SV2C: variants seen among roughly 807,000 people sequenced by gnomAD.
SV2C encodes the protein solute carrier family 22 member B3.
In SV2C, 49 loss-of-function variants were observed where a neutral mutation model predicts 79.7. The observed-to-expected ratio is 0.61, with a 90% confidence interval of 0.49 to 0.78. The LOEUF is 0.78. Among genes scored for constraint, SV2C ranks in the 30% least tolerant of loss-of-function variants. The pLI, the probability that SV2C is intolerant of heterozygous loss-of-function variation, is 0.00. For missense variants in SV2C, 833 were observed against 912.9 expected, an observed-to-expected ratio of 0.91 and a Z score of 1.13; for synonymous variants, 334 against 333.2, an observed-to-expected ratio of 1.00 and a Z score of -0.03.
intron 12 of SV2C, among the ~76,000 whole-genome samples, chr5:76,311,757 A>T (rs1748449553): frequency 6.6e-6 from 1 of 152,170 alleles, no homozygotes; most frequent in Admixed American, 6.5e-5. Context: ...ATCTGAAAGG[A>T]GCCCCAACCA....
At chr5:75,972,970 C>T in the SV2C span, among the ~76,000 whole-genome samples, 3 of 151,976 alleles carry the variant, frequency 2.0e-5, no homozygotes, top group Non-Finnish European at 2.9e-5. Context: ...AATATGGCAC[C>T]TATATACCAT....
the SV2C span, among the ~76,000 whole-genome samples, chr5:75,881,434 A>G: frequency 6.6e-6 from 1 of 152,188 alleles, no homozygotes; most frequent in Non-Finnish European, 1.5e-5. Context: ...TCTTTAAAGT[A>G]CATTATATGT....
At chr5:75,955,126 A>G in the SV2C span, among the ~76,000 whole-genome samples, 36,464 of 148,196 alleles carry the variant, frequency 0.25, 5,360 homozygotes, top group Non-Finnish European at 0.36. Flanking sequence ...GAGGCATCAC[A>G]CTACCTGACT....
At chr5:76,145,974 A>G (rs1312415147) in intron 2 of SV2C, among the ~76,000 whole-genome samples, 1 of 152,204 alleles carries the variant, frequency 6.6e-6, no homozygotes, top group Non-Finnish European at 1.5e-5. Context: ...TGTAGCAAAT[A>G]TATTTCTACC....
At position 76,293,223 on chromosome 5, in the gene SV2C, G is replaced by A. The variant is rs150045167; in HGVS notation, c.1337+1367G>A. ...AAAATCCATTAATCTCTGAAGGAAG[G>A]GAAGGCTAAATATTAACCTATATTA... is the stretch of plus-strand genomic sequence containing the variant. On this transcript the variant is annotated intron_variant, in intron 8 of 12. Transcript: ENST00000502798. Among the ~76,000 whole-genome samples, 28 of 152,218 alleles carry A rather than the reference G, an allele frequency of 1.8e-4. 1 individual carries two copies. Among genetic ancestry groups the A allele is most frequent in the African/African-American group, 6.0e-4 (25 of 41,524 alleles).
chr5:76,121,007 C>T (rs1480092472), intron 1 of SV2C, among the ~76,000 whole-genome samples: 1 of 151,070 alleles, frequency 6.6e-6, no homozygotes, highest in East Asian at 1.9e-4. Context: ...GTTCCTATTT[C>T]TCCACATCCT....
At chr5:76,061,314 A>T in the SV2C span, among the ~76,000 whole-genome samples, 1 of 150,908 alleles carries the variant, frequency 6.6e-6, no homozygotes, top group Admixed American at 6.6e-5. Context: ...AAAAATATGC[A>T]ATAATGCCAA....
intron 4 of SV2C, among the ~76,000 whole-genome samples, chr5:76,280,312 G>A (rs894226918): frequency 1.4e-4 from 21 of 151,852 alleles, no homozygotes; most frequent in African/African-American, 4.1e-4. Context: ...ATGAAGGAGA[G>A]AAGGACCTCA....
rs544100179 is a variant in SV2C, at chr5:76,162,116, A to G, written c.580+29786A>G. Among the ~76,000 whole-genome samples, 8 of 152,306 alleles carry G rather than the reference A, an allele frequency of 5.3e-5. No individual in the cohort carries two copies. The East Asian group carries it at 1.4e-3, about 26-fold the overall frequency. ...TATTTTCAGAGTAATAAGCTCTGTG[A>G]GCCAGTAGGTTAATAAGATTATAGC... is the stretch of plus-strand genomic sequence containing the variant. On this transcript the variant is annotated intron_variant, in intron 2 of 12. Coordinates refer to ENST00000502798, the MANE Select transcript of SV2C (RefSeq NM_014979.4).
At chr5:75,913,134 A>G in the SV2C span, among the ~76,000 whole-genome samples, 1,009 of 152,266 alleles carry the variant, frequency 6.6e-3, 3 homozygotes, top group African/African-American at 9.7e-3. Context: ...CAGCCTAGGA[A>G]TCTAGTCCAA....
At chr5:76,115,705 A>G (rs1251637516) in intron 1 of SV2C, among the ~76,000 whole-genome samples, 1 of 152,222 alleles carries the variant, frequency 6.6e-6, no homozygotes, top group East Asian at 1.9e-4. Context: ...GGTAAATAGG[A>G]TTTTAAAAGA....
intron 1 of SV2C, chr5:76,083,912 G>A (rs949408755): frequency 1.3e-5 from 2 of 152,312 alleles, no homozygotes. Context: ...AAATCTAGCA[G>A]CCTAGAGCCC....
chr5:76,099,016 G>T (rs1005920168), intron 1 of SV2C, among the ~76,000 whole-genome samples: 4 of 152,052 alleles, frequency 2.6e-5, no homozygotes, highest in Non-Finnish European at 5.9e-5. Flanking sequence ...CAGCTTTGGG[G>T]CATTATGTAC....
At chr5:76,230,089 A>T (rs538852139) in intron 4 of SV2C, among the ~76,000 whole-genome samples, 2 of 152,350 alleles carry the variant, frequency 1.3e-5, no homozygotes, top group South Asian at 4.1e-4. Context: ...AGTACTTTGC[A>T]TCAATTAGAA....
intron 2 of SV2C, among the ~76,000 whole-genome samples, chr5:76,172,901 A>C (rs1394900129): frequency 8.8e-6 from 1 of 113,360 alleles, no homozygotes; most frequent in Non-Finnish European, 1.8e-5. Context: ...CCAGGGACAC[A>C]AACACTGCGG....
the SV2C span, among the ~76,000 whole-genome samples, chr5:75,965,524 T>A: frequency 6.6e-6 from 1 of 152,184 alleles, no homozygotes; most frequent in Non-Finnish European, 1.5e-5. Flanking sequence ...AGAGAACAGG[T>A]GCTCACCAGA....
the SV2C span, among the ~76,000 whole-genome samples, chr5:75,954,544 G>A: frequency 6.6e-6 from 1 of 151,206 alleles, no homozygotes; most frequent in East Asian, 1.9e-4. Context: ...TTCTGGCCAG[G>A]ACGATCAGGC....
At chr5:75,879,109 T>A in the SV2C span, among the ~76,000 whole-genome samples, 2 of 152,182 alleles carry the variant, frequency 1.3e-5, no homozygotes, top group Admixed American at 6.6e-5. Flanking sequence ...TCATGAGGGA[T>A]GAATGATTCA....
chr5:76,224,866 C>A (rs967034309), intron 4 of SV2C, among the ~76,000 whole-genome samples: 3 of 152,146 alleles, frequency 2.0e-5, no homozygotes, highest in Admixed American at 6.6e-5. Context: ...ACATAACCTA[C>A]CATCAGAGGC....
Sources: allele counts gnomAD v4.1 joint callset (sites outside exome capture counted in the v4.1 genomes callset), GRCh38; gene constraint gnomAD v4.1.1; transcripts MANE v1.5; gene names NCBI Gene and HGNC (gene_info 2026-07-23, HGNC 2026-07-21).